The following TOGARAM2 variants were observed in gnomAD, a reference collection of about 807,000 sequenced individuals.
TOGARAM2 encodes the protein TOG array regulator of axonemal microtubules 2.
A neutral mutation model predicts 93.3 loss-of-function variants in TOGARAM2; 85 were observed. That is an observed-to-expected ratio of 0.91 (90% CI 0.76 to 1.09). The LOEUF is 1.09. Among genes scored for constraint, TOGARAM2 ranks in the 50% least tolerant of loss-of-function variants. The pLI, the probability that TOGARAM2 is intolerant of heterozygous loss-of-function variation, is 0.00. For missense variants in TOGARAM2, 1,277 were observed against 1,334.5 expected (o/e 0.96, Z 0.67); for synonymous variants, 593 against 552.8 (o/e 1.07, Z -1.02).
Position 29,035,543 on chromosome 2 carries a change from GA to G in TOGARAM2, c.2306del (p.Glu769GlyfsTer2), listed in dbSNP as rs1449599897. 7.0e-6 allele frequency: 11 copies of G among 1,580,376 alleles called. No individual in the cohort carries two copies. In the Admixed American group the frequency reaches 2.0e-4, roughly 28 times the overall value. On this transcript the variant is annotated frameshift_variant, in exon 17 of 20. Coordinates refer to ENST00000379558, the MANE Select transcript of TOGARAM2 (RefSeq NM_199280.4). LOFTEE classifies it high-confidence loss of function. ...CGGGGAGATGGTGGAGCAGCTACGGGAGCTGACACGGCTGCTGGAGGCCAAG... is the reference window on the plus strand; with the variant it reads ...CGGGGAGATGGTGGAGCAGCTACGGGGCTGACACGGCTGCTGGAGGCCAAG... ...GRGEMVEQLRELTRLLEAKDF... is the reference protein window; with the variant it reads ...GRGEMVEQLRXLTRLLEAKDF...
intron 15 of TOGARAM2, among the ~76,000 whole-genome samples, 173 bp downstream of exon 15, chr2:29,033,224 C>T (rs1288096762): frequency 6.6e-6 from 1 of 152,200 alleles, no homozygotes; most frequent in Non-Finnish European, 1.5e-5. Context: ...TGTGCTCACA[C>T]CTGGTTCTAA....
chr2:29,004,724 ATGTG>A (rs941349082), intron 6 of TOGARAM2, among the ~76,000 whole-genome samples: 5 of 141,782 alleles, frequency 3.5e-5, no homozygotes, highest in African/African-American at 1.3e-4. Context: ...GTATGTGTAT[ATGTG>A]TGAGTGCATG....
At chr2:29,028,607 TG>T (rs1470540927) in intron 14 of TOGARAM2, among the ~76,000 whole-genome samples, 1 of 151,834 alleles carries the variant, frequency 6.6e-6, no homozygotes, top group Non-Finnish European at 1.5e-5. Flanking sequence ...TTTACATGCG[TG>T]TTAGCCTTTA....
At chr2:29,013,582 A>T (rs1664380891) in intron 7 of TOGARAM2, among the ~76,000 whole-genome samples, 1 of 152,212 alleles carries the variant, frequency 6.6e-6, no homozygotes, top group Non-Finnish European at 1.5e-5. Context: ...CAAAGGCCAA[A>T]GAACCTGGAG....
chr2:29,003,750 C>G, intron 6 of TOGARAM2, 68 bp downstream of exon 6: 1 of 1,289,656 alleles, frequency 7.8e-7, no homozygotes, highest in Non-Finnish European at 1.0e-6. Context: ...TCCACTGGGG[C>G]TCCTTGTGGC....
intron 6 of TOGARAM2, among the ~76,000 whole-genome samples, chr2:29,010,513 C>T (rs533251888): frequency 1.8e-4 from 28 of 152,224 alleles, no homozygotes; most frequent in African/African-American, 6.5e-4. Context: ...TCCCCTGCAT[C>T]CAGGCAGGCA....
chr2:29,007,822 C>T (rs1663976542), intron 6 of TOGARAM2, among the ~76,000 whole-genome samples: 1 of 151,956 alleles, frequency 6.6e-6, no homozygotes, highest in Admixed American at 6.6e-5. Context: ...GCCTTCTTAC[C>T]CCTCCAGACC....
intron 16 of TOGARAM2, among the ~76,000 whole-genome samples, chr2:29,035,046 A>G (rs1665998250): frequency 6.6e-6 from 1 of 150,786 alleles, no homozygotes; most frequent in South Asian, 2.1e-4. Flanking sequence ...GCTACTTGGG[A>G]GGCCGAGGCA....
At position 29,033,456 on chromosome 2, in the gene TOGARAM2, G is replaced by A; in HGVS notation, c.2131-13G>A. 1 of 1,609,198 alleles carries A rather than the reference G, an allele frequency of 6.2e-7. No homozygotes were observed. Reference sequence around the variant, plus strand: ...ACTCCTTTTGGCTCATGCTCTGTGTGTATTTTTTCAAGGGAATAGAAGATA... The same window carrying A: ...ACTCCTTTTGGCTCATGCTCTGTGTATATTTTTTCAAGGGAATAGAAGATA... On this transcript the variant is annotated splice_polypyrimidine_tract_variant and intron_variant, in intron 15 of 19. Coordinates refer to ENST00000379558, the MANE Select transcript of TOGARAM2 (RefSeq NM_199280.4).
intron 8 of TOGARAM2, among the ~76,000 whole-genome samples, chr2:29,016,508 G>A (rs769444844): frequency 3.5e-4 from 54 of 152,204 alleles, no homozygotes; most frequent in Non-Finnish European, 6.6e-4. Context: ...CTTACGAGTT[G>A]TTCTTGCGTC....
At position 29,022,182 on chromosome 2, in the gene TOGARAM2, C is replaced by A. The variant is rs202161483; in HGVS notation, c.1385C>A (p.Thr462Lys). ...GCTAACTCATTACCTGCGGTGCTCA[C>A]GTTGGGGTCTCCTGAATGGGAAGAA... ...ASANSLPAVLTLGSPEWEEEE... is the reference protein window; with the variant it reads ...ASANSLPAVLKLGSPEWEEEE... Residue 462 changes from threonine to lysine, a missense_variant, in exon 11 of 20, where the codon ACG becomes AAG. Physicochemically the swap from Thr to Lys is moderately conservative, Grantham distance 78. Transcript: ENST00000379558. The A allele has an allele frequency of 9.9e-6, 16 of 1,613,890 alleles. No individual in the cohort carries two copies. The highest frequency in any genetic ancestry group is 1.7e-5 in the Admixed American group (1 of 60,014).
At chr2:28,986,360 A>T (rs945460825) in intron 1 of TOGARAM2, among the ~76,000 whole-genome samples, 2 of 151,700 alleles carry the variant, frequency 1.3e-5, no homozygotes, top group African/African-American at 4.9e-5. Flanking sequence ...CGGCCCATCC[A>T]CCCCCAACCC....
At chr2:29,026,541 G>C (rs545107123) in intron 13 of TOGARAM2, among the ~76,000 whole-genome samples, 1 of 152,318 alleles carries the variant, frequency 6.6e-6, no homozygotes, top group African/African-American at 2.4e-5. Flanking sequence ...GGAAGATGGA[G>C]AAGAGTACTT....
chr2:29,008,887 A>G (rs542026793), intron 6 of TOGARAM2, among the ~76,000 whole-genome samples: 1 of 152,294 alleles, frequency 6.6e-6, no homozygotes, highest in East Asian at 1.9e-4. Context: ...TCCGTAATAA[A>G]TATCTGTCCT....
chr2:29,012,777 G>A (rs948984973), intron 7 of TOGARAM2, among the ~76,000 whole-genome samples: 1 of 152,224 alleles, frequency 6.6e-6, no homozygotes, highest in Non-Finnish European at 1.5e-5. Context: ...CATGGTAGGG[G>A]CTCACAGGGT....
chr2:29,040,824 A>T (rs1309080238), intron 18 of TOGARAM2, among the ~76,000 whole-genome samples: 3 of 152,146 alleles, frequency 2.0e-5, no homozygotes, highest in African/African-American at 7.2e-5. Flanking sequence ...TCTCCCCTGT[A>T]GGTAAGCCCC....
intron 6 of TOGARAM2, among the ~76,000 whole-genome samples, chr2:29,006,101 T>C (rs1663784685): frequency 1.7e-5 from 1 of 57,856 alleles, no homozygotes. Flanking sequence ...GTGGGGTGCA[T>C]GTGTGTGGAG....
intron 1 of TOGARAM2, among the ~76,000 whole-genome samples, chr2:28,993,812 C>T (rs1471770805): frequency 2.0e-5 from 3 of 152,172 alleles, no homozygotes; most frequent in Non-Finnish European, 2.9e-5. Flanking sequence ...TGGCTGGCTT[C>T]CAGACAGAAG....
intron 11 of TOGARAM2, among the ~76,000 whole-genome samples, chr2:29,022,631 C>G (rs1665031751): frequency 6.6e-6 from 1 of 152,244 alleles, no homozygotes; most frequent in Non-Finnish European, 1.5e-5. Context: ...AAGGCCGCAG[C>G]CCTTTATTTC....
Sources: allele counts gnomAD v4.1 joint callset (sites outside exome capture counted in the v4.1 genomes callset), GRCh38; gene constraint gnomAD v4.1.1; transcripts MANE v1.5; gene names NCBI Gene and HGNC (gene_info 2026-07-23, HGNC 2026-07-21).